GMDS: variants seen among roughly 807,000 people sequenced by gnomAD.
The protein encoded by GMDS is GDP-mannose 4,6-dehydratase.
GMDS carries 20 observed loss-of-function variants against 49.9 expected under a neutral mutation model. The ratio of observed to expected loss-of-function variants is 0.40; its 90% CI spans 0.28 to 0.58. The LOEUF is 0.58. GMDS is among the 20% of genes least tolerant of loss of function. The pLI, the probability that GMDS is intolerant of heterozygous loss-of-function variation, is 0.42. For missense variants in GMDS, 362 were observed against 481.4 expected (o/e 0.75, Z 2.32); for synonymous variants, 177 against 178.6 (o/e 0.99, Z 0.07).
intron 4 of GMDS, among the ~76,000 whole-genome samples, chr6:1,998,347 A>G (rs1322492475): frequency 6.6e-6 from 1 of 152,164 alleles, no homozygotes; most frequent in African/African-American, 2.4e-5. Context: ...AAATAAAATA[A>G]TAAAAAGAAA....
chr6:1,688,140 A>C (rs1765050198), intron 9 of GMDS, among the ~76,000 whole-genome samples: 1 of 152,148 alleles, frequency 6.6e-6, no homozygotes, highest in Admixed American at 6.5e-5. Context: ...TGATTTCCGA[A>C]GGAGAGTGAG....
chr6:2,060,551 C>G (rs927738282), intron 4 of GMDS, among the ~76,000 whole-genome samples: 5 of 152,150 alleles, frequency 3.3e-5, no homozygotes, highest in Non-Finnish European at 7.3e-5. Flanking sequence ...AGATAAAAAT[C>G]TCTGCCTTAA....
chr6:1,992,885 C>T (rs1053952421), intron 4 of GMDS, among the ~76,000 whole-genome samples: 5 of 152,168 alleles, frequency 3.3e-5, no homozygotes, highest in African/African-American at 1.2e-4. Context: ...AACAGGCTTC[C>T]TCTGGTATTC....
Position 1,836,636 on chromosome 6 carries a change from G to C in GMDS, c.771+93467C>G, listed in dbSNP as rs1756941362. On this transcript the variant is annotated intron_variant, in intron 7 of 10. Coordinates refer to ENST00000380815, the MANE Select transcript of GMDS (RefSeq NM_001500.4). The surrounding 1 kb of genome is among the most constrained non-coding windows in gnomAD (Gnocchi z 4.2). The stretch of plus-strand genomic sequence containing the variant: ...TCTTACGAAAATAGTCCATAAAAGG[G>C]AGATTGGGTAGAAGCGGCTGATGAA... 6.6e-6 allele frequency among the ~76,000 whole-genome samples: 1 copy of C among 152,226 alleles called. No homozygotes were observed.
At chr6:1,942,146 C>T (rs1762853353) in intron 6 of GMDS, among the ~76,000 whole-genome samples, 1 of 152,204 alleles carries the variant, frequency 6.6e-6, no homozygotes, top group Non-Finnish European at 1.5e-5. Context: ...TCTCCTTTTA[C>T]CCCAAGCTAA....
intron 1 of GMDS, among the ~76,000 whole-genome samples, chr6:2,147,698 T>C (rs1776632094): frequency 6.6e-6 from 1 of 151,584 alleles, no homozygotes; most frequent in East Asian, 1.9e-4. Flanking sequence ...CAAGCTTGTA[T>C]TTCTCACAGG....
chr6:1,625,350 T>C (rs1762820588), intron 9 of GMDS: 1 of 152,228 alleles, frequency 6.6e-6, no homozygotes, highest in African/African-American at 2.4e-5. Context: ...GGTTCGATTC[T>C]GTTCCTAAGA....
At chr6:1,972,479 A>T (rs1764678354) in intron 4 of GMDS, among the ~76,000 whole-genome samples, 1 of 152,224 alleles carries the variant, frequency 6.6e-6, no homozygotes, top group South Asian at 2.1e-4. Context: ...TTCTTTACAG[A>T]TAAACAGAAA....
intron 8 of GMDS, among the ~76,000 whole-genome samples, chr6:1,733,744 T>C (rs1766909167): frequency 6.6e-6 from 1 of 151,770 alleles, no homozygotes; most frequent in African/African-American, 2.4e-5. Context: ...CCCAAGTACT[T>C]GTGAGGCAGA....
chr6:2,051,214 T>TCTAGAAGGA (rs1325189026), intron 4 of GMDS, among the ~76,000 whole-genome samples: 1 of 152,222 alleles, frequency 6.6e-6, no homozygotes, highest in East Asian at 1.9e-4. Flanking sequence ...CCCTGGAGCC[T>TCTAGAAGGA]CTAGAAGGAC....
chr6:1,977,296 C>T (rs573398100), intron 4 of GMDS, among the ~76,000 whole-genome samples: 1 of 152,314 alleles, frequency 6.6e-6, no homozygotes, highest in Non-Finnish European at 1.5e-5. Context: ...TTGCCAATAA[C>T]CAACAGGCAA....
intron 9 of GMDS, among the ~76,000 whole-genome samples, chr6:1,722,300 G>A (rs1430523468): frequency 6.8e-6 from 1 of 147,960 alleles, no homozygotes; most frequent in African/African-American, 2.5e-5. Context: ...TCTTAGCCAG[G>A]AAGGTCTCAA....
At chr6:2,159,326 C>T (rs995544328) in intron 1 of GMDS, among the ~76,000 whole-genome samples, 6 of 152,042 alleles carry the variant, frequency 3.9e-5, no homozygotes, top group Admixed American at 6.6e-5. Context: ...CTCACATGAT[C>T]CGCCCACCTC....
chr6:2,027,201 C>A (rs939164904), intron 4 of GMDS, among the ~76,000 whole-genome samples: 1 of 152,080 alleles, frequency 6.6e-6, no homozygotes, highest in African/African-American at 2.4e-5. Context: ...TGGAGAAAAA[C>A]GTGGAACAGG....
chr6:2,091,803 T>C (rs1773324995), intron 4 of GMDS, among the ~76,000 whole-genome samples: 1 of 151,816 alleles, frequency 6.6e-6, no homozygotes, highest in Non-Finnish European at 1.5e-5. Context: ...CTCGGGAGAC[T>C]GAGGTGGGAG....
At position 1,674,556 on chromosome 6, in the gene GMDS, CTCTCTTTTTTTTTTT is replaced by C. The variant is rs796237692; in HGVS notation, c.988-50031_988-50017del. 4.1e-3 allele frequency among the ~76,000 whole-genome samples: 353 copies of C among 85,328 alleles called. 1 individual carries two copies. Among genetic ancestry groups the C allele is most frequent in the African/African-American group, 0.012 (334 of 26,960 alleles). The allele number at this position is 85,328 out of a possible 152,430, so 56.0% of individuals were successfully genotyped here. On this transcript the variant is annotated intron_variant, in intron 9 of 10. Transcript: ENST00000380815. ...GTTCCAACTCATCAACTCTCTCTCTCTCTCTTTTTTTTTTTTTTTTTTTTTTTTGACATAGTCTTG... is the reference window on the plus strand; with the variant it reads ...GTTCCAACTCATCAACTCTCTCTCTCTTTTTTTTTTTTTGACATAGTCTTG...
At position 2,130,655 on chromosome 6, in the gene GMDS, T is replaced by A. The variant is rs760723630; in HGVS notation, c.103-5924A>T. On this transcript the variant is annotated intron_variant, in intron 1 of 10. Transcript: ENST00000380815. Reference sequence around the variant, plus strand: ...GAAAGAGGCCAGAGGCTTTCAATCATCCTTGATATTGGTCTACCATGGCAC... The same window carrying A: ...GAAAGAGGCCAGAGGCTTTCAATCAACCTTGATATTGGTCTACCATGGCAC... Among the ~76,000 whole-genome samples, 8 of 152,152 alleles carry A rather than the reference T, an allele frequency of 5.3e-5. 1 individual carries two copies. In the South Asian group the frequency reaches 1.2e-3, roughly 24 times the overall value.
chr6:1,761,155 C>T (rs1768139401), intron 7 of GMDS, among the ~76,000 whole-genome samples: 1 of 151,998 alleles, frequency 6.6e-6, no homozygotes. Flanking sequence ...CTCCAAGATT[C>T]AGAATAAAAA....
chr6:1,808,897 GCTCT>G lies in GMDS; in HGVS notation c.772-66315_772-66312del, dbSNP rs575390530. Reference sequence around the variant, plus strand: ...CTCAGACTTCTTTGCACTAGTGCATGCTCTCTCTGTGTGTGTGTGTGTGTGTGTG... The same window carrying G: ...CTCAGACTTCTTTGCACTAGTGCATGCTCTGTGTGTGTGTGTGTGTGTGTG... On this transcript the variant is annotated intron_variant, in intron 7 of 10. Coordinates refer to ENST00000380815, the MANE Select transcript of GMDS (RefSeq NM_001500.4). 5.0e-4 allele frequency among the ~76,000 whole-genome samples: 63 copies of G among 126,364 alleles called. 1 individual carries two copies. The highest frequency in any genetic ancestry group is 2.3e-4 in the Admixed American group (3 of 13,034). 82.9% of individuals were successfully genotyped at this position (126,364 alleles called of 152,430 possible).
Sources: gnomAD v4.1 joint callset for allele counts (sites outside exome capture counted in the v4.1 genomes callset) on GRCh38, gnomAD v4.1.1 for gene constraint, Gnocchi (gnomAD v3.1) non-coding constraint, MANE v1.5 for transcripts, NCBI Gene and HGNC (gene_info 2026-07-23, HGNC 2026-07-21) for gene names.